Variants in GTPBP6 observed in about 807,000 individuals in gnomAD.
GTPBP6 encodes GTP binding protein 6, also known as putative GTP-binding protein 6.
GTPBP6 carries 33 observed loss-of-function variants against 28.9 expected under a neutral mutation model. The ratio of observed to expected loss-of-function variants is 1.14; its 90% CI spans 0.87 to 1.53. The LOEUF is 1.53. Among genes scored for constraint, GTPBP6 ranks in the 40% most tolerant of loss-of-function variants. The pLI is 0.00. For missense variants in GTPBP6, 507 were observed against 408.3 expected, an observed-to-expected ratio of 1.24 and a Z score of -2.08; for synonymous variants, 231 against 192.7, an observed-to-expected ratio of 1.20 and a Z score of -1.65.
At chrX:315,602 C>A in intron 2 of GTPBP6, among the ~76,000 whole-genome samples, 1 of 149,002 alleles carries the variant, frequency 6.7e-6, no homozygotes, top group Non-Finnish European at 1.5e-5. Context: ...TACATCCCGA[C>A]AGGGACAGAC....
rs761255265 is a variant in GTPBP6 at position 314,534 on chromosome X, G to A, written c.690-317C>T. Among the ~76,000 whole-genome samples, 604 of 151,468 alleles carry A rather than the reference G, an allele frequency of 4.0e-3. 10 individuals are homozygous for A. Among genetic ancestry groups the A allele is most frequent in the African/African-American group, 0.014 (572 of 41,250 alleles). The stretch of plus-strand genomic sequence containing the variant: ...GTCACCCAGGCTGGAGTGCAGTGGC[G>A]TGATCTCGGCTCACTGCAAGCTCCA... On this transcript the variant is annotated intron_variant, in intron 4 of 9. Transcript: ENST00000326153.
chrX:313,316 A>G (rs1425406636), intron 5 of GTPBP6, among the ~76,000 whole-genome samples: 1 of 152,144 alleles, frequency 6.6e-6, no homozygotes, highest in Admixed American at 6.5e-5. Flanking sequence ...TGGTCTTTGT[A>G]GGGTCTCAAA....
rs185886702 is a variant in GTPBP6 at position 314,331 on chromosome X, C to G, written c.690-114G>C. 5.7e-6 allele frequency: 5 copies of G among 870,766 alleles called. No individual in the cohort carries two copies. The Admixed American group carries it at 7.6e-5, about 13-fold the overall frequency. 53.9% of individuals were successfully genotyped at this position (870,766 alleles called of 1,614,324 possible). ...TGGGCCTCTGGGCCGAAGGGAGGAGCCGCTGTTGCGGCCCCGCTCCGCGTG... is the reference window on the plus strand; with the variant it reads ...TGGGCCTCTGGGCCGAAGGGAGGAGGCGCTGTTGCGGCCCCGCTCCGCGTG... On this transcript the variant is annotated intron_variant, in intron 4 of 9. Coordinates refer to ENST00000326153, the Ensembl canonical transcript of GTPBP6.
intron 7 of GTPBP6, among the ~76,000 whole-genome samples, chrX:311,201 G>GT (rs1324652984): frequency 3.5e-5 from 5 of 141,808 alleles, no homozygotes; most frequent in African/African-American, 1.1e-4. Flanking sequence ...GGGTGTCTGA[G>GT]GGCCCGGCCC....
At chrX:306,733 T>G (rs1424093838) in intron 9 of GTPBP6, among the ~76,000 whole-genome samples, 1 of 149,828 alleles carries the variant, frequency 6.7e-6, no homozygotes, top group Non-Finnish European at 1.5e-5. Context: ...AATGTACATT[T>G]TGGCTGTCAA....
chrX:315,515 A>C (rs1414178930), intron 2 of GTPBP6, among the ~76,000 whole-genome samples: 34 of 148,354 alleles, frequency 2.3e-4, no homozygotes, highest in Non-Finnish European at 1.8e-4. Context: ...GCATACGGTG[A>C]ACACATCCCG....
chrX:306,873 GCA>G (rs2070179502), intron 9 of GTPBP6, among the ~76,000 whole-genome samples: 1 of 62,912 alleles, frequency 1.6e-5, no homozygotes, highest in African/African-American at 9.4e-5. Flanking sequence ...CCTGTTGTAT[GCA>G]GTCAGAAATG....
At chrX:314,619 C>T (rs868681752) in intron 4 of GTPBP6, among the ~76,000 whole-genome samples, 4 of 152,028 alleles carry the variant, frequency 2.6e-5, no homozygotes, top group African/African-American at 9.7e-5. Context: ...ATTTCAGGCG[C>T]CCGCCACCAC....
chrX:305,371 G>T (rs1343941669), intron 9 of GTPBP6, among the ~76,000 whole-genome samples, 174 bp from the exon 10 acceptor site: 1 of 149,620 alleles, frequency 6.7e-6, no homozygotes, highest in Admixed American at 6.6e-5. Context: ...GCGTAGGCTG[G>T]AGTGCAGTGG....
chrX:314,028 C>T, intron 5 of GTPBP6, 122 bp downstream of exon 5: 1 of 804,740 alleles, frequency 1.2e-6, no homozygotes. Context: ...CAAATGCTAC[C>T]AGGAGACGGA....
At chrX:307,556 G>C (rs377225092) in intron 8 of GTPBP6, 44 bp from the exon 9 acceptor site, 1 of 1,595,786 alleles carries the variant, frequency 6.3e-7, no homozygotes, top group African/African-American at 1.3e-5. Context: ...GCGTCGGGGC[G>C]GCCGGACGAA....
chrX:312,119 G>T (rs2070314431), intron 6 of GTPBP6: 1 of 466,276 alleles, frequency 2.1e-6, no homozygotes, highest in Non-Finnish European at 4.3e-6. Context: ...TAGACGGGTG[G>T]TGGTATAGAT....
intron 1 of GTPBP6, 65 bp downstream of exon 1, chrX:318,374 C>A: frequency 5.1e-6 from 2 of 394,442 alleles, no homozygotes; most frequent in South Asian, 2.5e-4. Flanking sequence ...GAGCCCCCTC[C>A]CCTCAGAGCC....
At position 311,405 on chromosome X, in the gene GTPBP6, C is replaced by CAGGGTGGGT. The variant is rs749620632; in HGVS notation, c.1125+13_1125+14insACCCACCCT. 1.3e-5 allele frequency: 21 copies of CAGGGTGGGT among 1,589,670 alleles called. No individual in the cohort carries two copies. The highest frequency in any genetic ancestry group is 3.4e-5 in the Admixed American group (2 of 58,870). ...GGTGTCCGAGCACCCGATCCCCGGC[C>CAGGGTGGGT]GTCCCACGCTCACCGAGTGGGCCAC... On this transcript the variant is annotated intron_variant, in intron 7 of 9. Coordinates refer to ENST00000326153, the Ensembl canonical transcript of GTPBP6.
chrX:312,639 G>C (rs747097556), intron 6 of GTPBP6, 127 bp downstream of exon 6: 1 of 968,298 alleles, frequency 1.0e-6, no homozygotes, highest in Non-Finnish European at 1.6e-6. Flanking sequence ...CCCTCTCCTG[G>C]GCACGTGCTC....
intron 3 of GTPBP6, 66 bp downstream of exon 3, chrX:315,163 C>T (rs1330948974): frequency 1.4e-5 from 5 of 353,326 alleles, no homozygotes; most frequent in Non-Finnish European, 1.5e-5. Context: ...GGCCGGACGC[C>T]GTGGCGTCCC....
At position 311,398 on chromosome X, in the gene GTPBP6, C is replaced by A. The variant is rs369569046; in HGVS notation, c.1125+21G>T. 3.2e-6 allele frequency: 5 copies of A among 1,580,514 alleles called. No individual in the cohort carries two copies. In the African/African-American group the frequency reaches 5.4e-5, roughly 17 times the overall value. On this transcript the variant is annotated intron_variant, in intron 7 of 9. Transcript: ENST00000326153. ...CCGAATGGGTGTCCGAGCACCCGAT[C>A]CCCGGCCGTCCCACGCTCACCGAGT...
exon 4 of GTPBP6, chrX:314,927 G>C: frequency 5.0e-6 from 2 of 398,766 alleles, no homozygotes; most frequent in East Asian, 7.1e-5. Flanking sequence ...ACCTGAAGCC[G>C]GGCCTCCTTC....
chrX:305,068 G>T (rs374033754), exon 10 of GTPBP6: 7 of 1,612,164 alleles, frequency 4.3e-6, no homozygotes, highest in Non-Finnish European at 5.9e-6. Flanking sequence ...CTCTGTGGGC[G>T]TCCGTTCATC....
Sources: gnomAD v4.1 joint callset for allele counts (sites outside exome capture counted in the v4.1 genomes callset) on GRCh38, gnomAD v4.1.1 for gene constraint, MANE v1.5 for transcripts, NCBI Gene and HGNC (gene_info 2026-07-23, HGNC 2026-07-21) for gene names.